Variants in KCNH8 observed in about 807,000 individuals in gnomAD.
The protein encoded by KCNH8 is potassium voltage-gated channel subfamily H member 8.
A neutral mutation model predicts 103.6 loss-of-function variants in KCNH8; 70 were observed. The ratio of observed to expected loss-of-function variants is 0.68; its 90% confidence interval spans 0.56 to 0.82. The LOEUF is 0.82. Among genes scored for constraint, KCNH8 ranks in the 40% least tolerant of loss-of-function variants. The pLI is 0.00. For synonymous variants in KCNH8, 498 were observed against 489.4 expected (o/e 1.02, Z -0.23); for missense variants, 1,217 against 1,329.9 (o/e 0.92, Z 1.32).
Position 19,473,861 on chromosome 3 carries a change from C to T in KCNH8, c.2040+16879C>T, listed in dbSNP as rs577182308. Among the ~76,000 whole-genome samples, 31 of 152,030 alleles carry T rather than the reference C, an allele frequency of 2.0e-4. No individual in the cohort carries two copies. The Middle Eastern group carries it at 0.017, about 83-fold the overall frequency. On this transcript the variant is annotated intron_variant, in intron 11 of 15. Coordinates refer to ENST00000328405, the MANE Select transcript of KCNH8 (RefSeq NM_144633.3). The stretch of plus-strand genomic sequence containing the variant: ...ATTTAGATTTTCATTCACATTTTTC[C>T]GTCAACCTGCAAATATTTTACCTGT...
chr3:19,328,573 T>C (rs1022362885), intron 3 of KCNH8, among the ~76,000 whole-genome samples: 5 of 152,154 alleles, frequency 3.3e-5, no homozygotes, highest in African/African-American at 1.2e-4. Flanking sequence ...ATTTTTTCTA[T>C]GAAAGATTCC....
intron 7 of KCNH8, among the ~76,000 whole-genome samples, chr3:19,401,813 A>T (rs1261373990): frequency 1.3e-5 from 2 of 152,014 alleles, no homozygotes; most frequent in African/African-American, 4.8e-5. Flanking sequence ...TTTAGATAGT[A>T]AGAAATACAA....
intron 3 of KCNH8, among the ~76,000 whole-genome samples, chr3:19,288,513 G>T (rs1286922558): frequency 8.6e-5 from 13 of 151,910 alleles, no homozygotes; most frequent in Non-Finnish European, 1.5e-4. Flanking sequence ...AGTTGGCTGA[G>T]AATGATGGTT....
intron 2 of KCNH8, among the ~76,000 whole-genome samples, chr3:19,280,905 G>A (rs930373004): frequency 6.6e-6 from 1 of 152,082 alleles, no homozygotes; most frequent in South Asian, 2.1e-4. Flanking sequence ...CAGCATCAAC[G>A]AGTTCAAAGA....
intron 7 of KCNH8, among the ~76,000 whole-genome samples, chr3:19,414,139 A>T (rs554545348): frequency 4.3e-4 from 65 of 152,196 alleles, no homozygotes; most frequent in Non-Finnish European, 7.8e-4. Flanking sequence ...TACAGCTTAG[A>T]CATTGCTTTA....
At chr3:19,344,605 C>T (rs1409014411) in intron 4 of KCNH8, among the ~76,000 whole-genome samples, 4 of 151,922 alleles carry the variant, frequency 2.6e-5, no homozygotes, top group South Asian at 2.1e-4. Context: ...GCCCTGTTCA[C>T]GTGTTCACCA....
chr3:19,212,883 T>C (rs1273225750), intron 1 of KCNH8, among the ~76,000 whole-genome samples: 1 of 152,230 alleles, frequency 6.6e-6, no homozygotes, highest in Non-Finnish European at 1.5e-5. Flanking sequence ...CTAATAATTA[T>C]AGACTTTTGG....
chr3:19,427,811 A>G (rs769137639), intron 7 of KCNH8, among the ~76,000 whole-genome samples: 6 of 152,200 alleles, frequency 3.9e-5, no homozygotes, highest in Non-Finnish European at 8.8e-5. Context: ...AAATAATGCA[A>G]GGTCTGCAGA....
At chr3:19,414,505 C>T (rs1481321184) in intron 7 of KCNH8, among the ~76,000 whole-genome samples, 2 of 151,808 alleles carry the variant, frequency 1.3e-5, no homozygotes. Flanking sequence ...GGAAACAGCT[C>T]AGGTTATTTC....
At chr3:19,473,896 T>A (rs2067915854) in intron 11 of KCNH8, among the ~76,000 whole-genome samples, 1 of 151,160 alleles carries the variant, frequency 6.6e-6, no homozygotes, top group African/African-American at 2.4e-5. Context: ...TGGATATGGA[T>A]ATGTTAGGAC....
chr3:19,169,514 G>A lies in KCNH8; in HGVS notation c.76+20719G>A, dbSNP rs187157923. ...GCCCGCCTTGGCCTCCCAAAGTGCCGGGATTACAGGCGTGAGCCACCGCGC... is the reference window on the plus strand; with the variant it reads ...GCCCGCCTTGGCCTCCCAAAGTGCCAGGATTACAGGCGTGAGCCACCGCGC... On this transcript the variant is annotated intron_variant, in intron 1 of 15. Transcript: ENST00000328405. Among the ~76,000 whole-genome samples, 7 of 152,138 alleles carry A rather than the reference G, an allele frequency of 4.6e-5. No homozygotes were observed. The East Asian group carries it at 1.2e-3, about 25-fold the overall frequency.
intron 2 of KCNH8, among the ~76,000 whole-genome samples, chr3:19,260,525 TATATA>T (rs1559447804): frequency 9.1e-5 from 12 of 131,478 alleles, no homozygotes; most frequent in African/African-American, 2.9e-4. Flanking sequence ...TATATATATA[TATATA>T]TATAGTAAAA....
At chr3:19,321,943 G>C (rs2065355873) in intron 3 of KCNH8, among the ~76,000 whole-genome samples, 1 of 151,886 alleles carries the variant, frequency 6.6e-6, no homozygotes, top group Admixed American at 6.6e-5. Context: ...GTCCTTCTTT[G>C]TCTTTTTTAA....
At chr3:19,215,351 C>T (rs975114480) in intron 1 of KCNH8, among the ~76,000 whole-genome samples, 4 of 152,092 alleles carry the variant, frequency 2.6e-5, no homozygotes, top group Non-Finnish European at 2.9e-5. Flanking sequence ...TATTGGGGAA[C>T]GGGGTAGAGG....
At position 19,402,791 on chromosome 3, in the gene KCNH8, G is replaced by GA. The variant is rs1473176012; in HGVS notation, c.1177+7483dup. Among the ~76,000 whole-genome samples the GA allele has an allele frequency of 9.2e-5, 14 of 151,912 alleles. No individual in the cohort carries two copies. In the South Asian group the frequency reaches 2.9e-3, roughly 31 times the overall value. On this transcript the variant is annotated intron_variant, in intron 7 of 15. Transcript: ENST00000328405. ...CTAGGTCACCCTTTAGCTTAAACGA[G>GA]AAAGACATTCTGAAATCAGTCTTCC...
chr3:19,234,460 T>C (rs1016107078), intron 1 of KCNH8, among the ~76,000 whole-genome samples: 3 of 152,210 alleles, frequency 2.0e-5, no homozygotes, highest in African/African-American at 2.4e-5. Flanking sequence ...TGCGAGAAAT[T>C]GAGCACAGCA....
rs139787286 is a variant in KCNH8 at position 19,441,460 on chromosome 3, T to C, written c.1375+3099T>C. 1.5e-3 allele frequency among the ~76,000 whole-genome samples: 233 copies of C among 152,344 alleles called. 1 individual carries two copies. Among genetic ancestry groups the C allele is most frequent in the African/African-American group, 4.7e-3 (194 of 41,576 alleles). ...ATCTTCCAACTGATGCAGATTGATA[T>C]TATCCACATTTTTCAGATGACAGAT... On this transcript the variant is annotated intron_variant, in intron 8 of 15. Transcript: ENST00000328405.
At chr3:19,379,742 A>G (rs2066264300) in intron 5 of KCNH8, among the ~76,000 whole-genome samples, 1 of 152,224 alleles carries the variant, frequency 6.6e-6, no homozygotes, top group Admixed American at 6.5e-5. Flanking sequence ...TCACATTTGC[A>G]TTACTCAATT....
chr3:19,505,556 G>A (rs2068675972), intron 11 of KCNH8, among the ~76,000 whole-genome samples: 1 of 152,110 alleles, frequency 6.6e-6, no homozygotes, highest in Non-Finnish European at 1.5e-5. Flanking sequence ...GGTTCCCTTT[G>A]TAGGTGACCT....
Sources: allele counts gnomAD v4.1 joint callset (sites outside exome capture counted in the v4.1 genomes callset), GRCh38; gene constraint gnomAD v4.1.1; transcripts MANE v1.5; gene names NCBI Gene and HGNC (gene_info 2026-07-23, HGNC 2026-07-21).